EVL: variants seen among roughly 807,000 people sequenced by gnomAD.
EVL encodes Enah/Vasp-like.
A neutral mutation model predicts 59.6 loss-of-function variants in EVL; 21 were observed. The observed-to-expected ratio is 0.35, with a 90% CI of 0.25 to 0.51. EVL has a LOEUF of 0.51. EVL is among the 20% of genes least tolerant of loss of function. The pLI, the probability that EVL is intolerant of heterozygous loss-of-function variation, is 0.97. For synonymous variants in EVL, 198 were observed against 203.5 expected (o/e 0.97, Z 0.23); for missense variants, 462 against 546.6 (o/e 0.85, Z 1.54).
intron 6 of EVL, 136 bp downstream of exon 6, chr14:100,128,884 A>G: frequency 1.4e-6 from 1 of 704,032 alleles, no homozygotes; most frequent in East Asian, 2.6e-5. Flanking sequence ...GCCCTTGGCC[A>G]CTTGTTCTCA....
chr14:100,009,863 G>C (rs751027020), intron 1 of EVL, among the ~76,000 whole-genome samples: 1 of 152,188 alleles, frequency 6.6e-6, no homozygotes, highest in Non-Finnish European at 1.5e-5. Context: ...GGGGCTTCCA[G>C]GCTGTAGGTA....
intron 2 of EVL, among the ~76,000 whole-genome samples, chr14:100,093,250 C>G (rs1046276931): frequency 6.6e-6 from 1 of 152,188 alleles, no homozygotes; most frequent in Admixed American, 6.5e-5. Context: ...ATGGTCATGT[C>G]TCTCTAGCCA....
chr14:100,060,467 T>C (rs1234926223), upstream of EVL, among the ~76,000 whole-genome samples: 2 of 151,580 alleles, frequency 1.3e-5, no homozygotes, highest in Non-Finnish European at 2.9e-5. Context: ...GTGAAAATTC[T>C]ACTACTGGAA....
chr14:100,043,557 A>G (rs1431621619), intron 1 of EVL, among the ~76,000 whole-genome samples: 1 of 150,112 alleles, frequency 6.7e-6, no homozygotes, highest in Non-Finnish European at 1.5e-5. Context: ...GGGCAGGAGA[A>G]GAAGTGTCCC....
intron 2 of EVL, among the ~76,000 whole-genome samples, chr14:100,091,217 C>G (rs2062557703): frequency 6.6e-6 from 1 of 152,172 alleles, no homozygotes; most frequent in Admixed American, 6.5e-5. Flanking sequence ...AGGCAGGAAT[C>G]GTCCCCTGCT....
intron 1 of EVL, among the ~76,000 whole-genome samples, chr14:100,047,112 C>CTTTTTTTTTTTTTTTTTTTTT (rs1566983234): frequency 1.8e-4 from 2 of 11,404 alleles, no homozygotes; most frequent in South Asian, 3.1e-3. Flanking sequence ...GGGCAGATCT[C>CTTTTTTTTTTTTTTTTTTTTT]TCTCTCTTTT....
intron 13 of EVL, 119 bp downstream of exon 13, chr14:100,141,912 T>C: frequency 2.8e-6 from 2 of 720,540 alleles, no homozygotes; most frequent in Non-Finnish European, 4.3e-6. Context: ...CTGGGCCCTG[T>C]GAGAGATTTC....
chr14:100,030,727 A>T (rs1487045026), intron 1 of EVL, among the ~76,000 whole-genome samples: 2 of 152,180 alleles, frequency 1.3e-5, no homozygotes, highest in African/African-American at 4.8e-5. Flanking sequence ...GGTCTGAGAG[A>T]TTAATAAGTT....
At chr14:100,070,244 G>A (rs892052985) in intron 1 of EVL, among the ~76,000 whole-genome samples, 5 of 152,218 alleles carry the variant, frequency 3.3e-5, no homozygotes, top group African/African-American at 9.6e-5. Flanking sequence ...CTCCACCCTG[G>A]TGACAGAGCA....
chr14:100,143,001 T>TTC (rs1473307910), intron 13 of EVL, among the ~76,000 whole-genome samples: 3 of 152,158 alleles, frequency 2.0e-5, no homozygotes, highest in Non-Finnish European at 4.4e-5. Flanking sequence ...CCCCACAACC[T>TTC]TCTCCTGGCT....
intron 2 of EVL, among the ~76,000 whole-genome samples, chr14:100,086,108 G>A (rs1475401504): frequency 6.6e-6 from 1 of 152,198 alleles, no homozygotes; most frequent in Non-Finnish European, 1.5e-5. Context: ...CAGCCTGGGC[G>A]ACGGAGCGAG....
intron 1 of EVL, among the ~76,000 whole-genome samples, chr14:100,071,560 G>A (rs976414763): frequency 6.6e-6 from 1 of 152,150 alleles, no homozygotes; most frequent in Non-Finnish European, 1.5e-5. Context: ...TTCAAATAAG[G>A]TGAATATGGA....
At chr14:100,113,149 G>A (rs1217378345) in intron 3 of EVL, among the ~76,000 whole-genome samples, 2 of 152,126 alleles carry the variant, frequency 1.3e-5, no homozygotes. Context: ...TAGAAGAGTA[G>A]CCCAAAAAGA....
At chr14:99,973,022 T>C (rs1324993444) in intron 1 of EVL, among the ~76,000 whole-genome samples, 1 of 152,198 alleles carries the variant, frequency 6.6e-6, no homozygotes, top group Non-Finnish European at 1.5e-5. Context: ...GTTGTAAGAA[T>C]ATACCACAGT....
intron 1 of EVL, among the ~76,000 whole-genome samples, chr14:100,001,422 A>G (rs2060945582): frequency 6.6e-6 from 1 of 152,252 alleles, no homozygotes; most frequent in Non-Finnish European, 1.5e-5. Flanking sequence ...AGTTTTTGAA[A>G]TAGAATTCGT....
chr14:100,102,971 G>A lies in EVL; in HGVS notation c.358+5313G>A, dbSNP rs142466722. Among the ~76,000 whole-genome samples, 183 of 151,930 alleles carry A rather than the reference G, an allele frequency of 1.2e-3. 2 individuals carry two copies. Among genetic ancestry groups the A allele is most frequent in the Admixed American group, 2.2e-3 (34 of 15,270 alleles). On this transcript the variant is annotated intron_variant, in intron 3 of 13. Coordinates refer to ENST00000392920, the MANE Select transcript of EVL (RefSeq NM_016337.3). ...ACAAAAATTAGCTGGGCTTGGTGGC[G>A]TGCACCTCTAGTCCCAGCTACTTGG...
intron 1 of EVL, among the ~76,000 whole-genome samples, chr14:99,991,251 C>A (rs2060874001): frequency 6.6e-6 from 1 of 152,166 alleles, no homozygotes; most frequent in Non-Finnish European, 1.5e-5. Context: ...TTTAATTTAA[C>A]CCTTTTCCTG....
rs1886856332 is a variant in EVL at position 100,109,998 on chromosome 14, G to GGGTAC, written c.358+12340_358+12341insGGTAC. ...CAGGGTTGTTGTGAGGGTACCATGA[G>GGGTAC]ATGATGTTTGTAAACATTCTTTGTC... On this transcript the variant is annotated intron_variant, in intron 3 of 13. Coordinates refer to ENST00000392920, the MANE Select transcript of EVL (RefSeq NM_016337.3). This position sits in a 1 kb window ranked among gnomAD's most constrained non-coding sequence, Gnocchi z 4.3. Among the ~76,000 whole-genome samples the GGGTAC allele has an allele frequency of 2.6e-5, 4 of 152,358 alleles. No individual in the cohort carries two copies. In the East Asian group the frequency reaches 5.8e-4, roughly 22 times the overall value.
At chr14:100,074,703 C>T (rs1595135808) in intron 1 of EVL, 1 of 152,746 alleles carries the variant, frequency 6.5e-6, no homozygotes, top group East Asian at 1.9e-4. Flanking sequence ...CAGACTTTCT[C>T]TAAAGTACTC....
Sources: gnomAD v4.1 joint callset for allele counts (sites outside exome capture counted in the v4.1 genomes callset) on GRCh38, gnomAD v4.1.1 for gene constraint, Gnocchi (gnomAD v3.1) non-coding constraint, MANE v1.5 for transcripts, NCBI Gene and HGNC (gene_info 2026-07-23, HGNC 2026-07-21) for gene names.